The following OSBPL5 variants were observed in gnomAD, a reference collection of about 807,000 sequenced individuals.
The protein encoded by OSBPL5 is oxysterol binding protein like 5, also known as oxysterol-binding protein-related protein 5.
Under a neutral mutation model 111.2 loss-of-function variants are expected in OSBPL5, and 71 were observed. That is an observed-to-expected ratio of 0.64 (90% CI 0.53 to 0.78). OSBPL5 has a LOEUF of 0.78. OSBPL5 is among the 30% of genes least tolerant of loss of function. OSBPL5 has a pLI of 0.00. For synonymous variants in OSBPL5, 549 were observed against 513.9 expected, an observed-to-expected ratio of 1.07 and a Z score of -0.93; for missense variants, 1,210 against 1,189.3, an observed-to-expected ratio of 1.02 and a Z score of -0.26.
In OSBPL5 at chr11:3,107,081, A is replaced by G. The variant is rs540994596; in HGVS notation, c.1059+182T>C. 1.1e-4 allele frequency among the ~76,000 whole-genome samples: 16 copies of G among 152,232 alleles called. No individual in the cohort carries two copies. The highest frequency in any genetic ancestry group is 3.1e-4 in the African/African-American group (13 of 41,546). ...CCAGCCAGCGGGGCAGCCTCTTTGG[A>G]AGACGGGAGGAGCCTGTTTACCTAA... On this transcript the variant is annotated intron_variant, in intron 9 of 21. Transcript: ENST00000263650. This position sits in a 1 kb window ranked among gnomAD's most constrained non-coding sequence, Gnocchi z 6.1.
At chr11:3,112,113 ATGTG>A (rs796272934) in intron 7 of OSBPL5, among the ~76,000 whole-genome samples, 5 of 147,294 alleles carry the variant, frequency 3.4e-5, no homozygotes, top group African/African-American at 1.3e-4. Flanking sequence ...GTGTGTGTGC[ATGTG>A]TGTGTGTGCG....
chr11:3,119,458 G>A (rs1858324194), intron 7 of OSBPL5, 89 bp downstream of exon 7: 2 of 1,336,512 alleles, frequency 1.5e-6, no homozygotes, highest in East Asian at 5.4e-5. Context: ...GGACTGAACT[G>A]GGGCCACCTG....
chr11:3,100,318 C>A (rs1857409333), intron 13 of OSBPL5, 62 bp from the exon 14 acceptor site: 12 of 1,460,378 alleles, frequency 8.2e-6, no homozygotes, highest in Non-Finnish European at 1.1e-5. Flanking sequence ...TCTGAGGCCA[C>A]CCCTAAGTCA....
At position 3,100,091 on chromosome 11, in the gene OSBPL5, G is replaced by A; in HGVS notation, c.1621+67C>T. The A allele has an allele frequency of 2.8e-6, 4 of 1,429,704 alleles. No individual in the cohort carries two copies. In the Admixed American group the frequency reaches 5.3e-5, roughly 19 times the overall value. The allele number at this position is 1,429,704 out of a possible 1,614,324, so 88.6% of individuals were successfully genotyped here. The stretch of plus-strand genomic sequence containing the variant: ...ATACCTTCAAGCAAATAACCAAAGG[G>A]TTTTAGCATCTAGCTGCTCTCACAG... On this transcript the variant is annotated intron_variant, in intron 14 of 21. Transcript: ENST00000263650.
chr11:3,114,998 A>G (rs1858162291), intron 7 of OSBPL5, among the ~76,000 whole-genome samples: 1 of 152,110 alleles, frequency 6.6e-6, no homozygotes, highest in East Asian at 1.9e-4. Context: ...GCATCTTGCC[A>G]GTTTCAGTTT....
At chr11:3,160,746 G>A (rs1846942492) in intron 1 of OSBPL5, among the ~76,000 whole-genome samples, 2 of 147,850 alleles carry the variant, frequency 1.4e-5, no homozygotes, top group South Asian at 2.3e-4. Flanking sequence ...CGCAACGCCG[G>A]GATACTGAGC....
intron 1 of OSBPL5, among the ~76,000 whole-genome samples, chr11:3,158,340 C>T (rs1476286257): frequency 6.6e-6 from 1 of 152,274 alleles, no homozygotes; most frequent in African/African-American, 2.4e-5. Flanking sequence ...CTCTTTTCCT[C>T]TGCCCCAAGG....
chr11:3,147,907 C>T (rs113669016), intron 1 of OSBPL5, among the ~76,000 whole-genome samples: 77 of 152,306 alleles, frequency 5.1e-4, no homozygotes, highest in African/African-American at 1.7e-3. Context: ...TGCGACTGAA[C>T]GCCCACCATG....
chr11:3,127,163 A>G (rs904037692), intron 2 of OSBPL5, among the ~76,000 whole-genome samples: 8 of 152,218 alleles, frequency 5.3e-5, no homozygotes, highest in Admixed American at 5.2e-4. Flanking sequence ...ATTTCTGGAC[A>G]GGAGGAAGGA....
In OSBPL5 at chr11:3,104,050, C is replaced by T. The variant is rs975172050; in HGVS notation, c.1244+143G>A. The T allele has an allele frequency of 1.4e-5, 15 of 1,065,240 alleles. No homozygotes were observed. The highest frequency in any genetic ancestry group is 2.0e-5 in the Non-Finnish European group (15 of 757,634). The allele number at this position is 1,065,240 out of a possible 1,614,324, so 66.0% of individuals were successfully genotyped here. ...CTTGGAGACAGGGCCCCCTGGGAGG[C>T]TACAGCTGCAGAAACAGTGGGCTGA... On this transcript the variant is annotated intron_variant, in intron 10 of 21. Transcript: ENST00000263650. The surrounding 1 kb of genome is among the most constrained non-coding windows in gnomAD (Gnocchi z 5.0).
At chr11:3,163,386 G>A (rs1181232499) in intron 1 of OSBPL5, among the ~76,000 whole-genome samples, 2 of 152,222 alleles carry the variant, frequency 1.3e-5, no homozygotes, top group Non-Finnish European at 2.9e-5. Flanking sequence ...TCCACCCGCC[G>A]GCTTGTCACA....
Position 3,142,212 on chromosome 11 carries a change from C to A in OSBPL5, c.-21-13043G>T, listed in dbSNP as rs1846144458. ...GGGATTACAGGCGTGAGCCACCGTG[C>A]CCGGCCGACAGCTGGTTTCTGAGGC... On this transcript the variant is annotated intron_variant, in intron 1 of 21. Coordinates refer to ENST00000263650, the MANE Select transcript of OSBPL5 (RefSeq NM_020896.4). The surrounding 1 kb of genome is among the most constrained non-coding windows in gnomAD (Gnocchi z 7.1). Among the ~76,000 whole-genome samples, 1 of 152,254 alleles carries A rather than the reference C, an allele frequency of 6.6e-6. No homozygotes were observed. Among genetic ancestry groups the A allele is most frequent in the South Asian group, 2.1e-4 (1 of 4,838 alleles).
intron 1 of OSBPL5, among the ~76,000 whole-genome samples, chr11:3,133,720 C>A (rs1053609501): frequency 2.0e-5 from 3 of 152,276 alleles, no homozygotes; most frequent in Admixed American, 6.5e-5. Context: ...GTGATCTCAT[C>A]CTGCCCCCAC....
At chr11:3,098,552 C>A (rs143009490) in intron 14 of OSBPL5, among the ~76,000 whole-genome samples, 1,619 of 122,204 alleles carry the variant, frequency 0.013, 32 homozygotes, top group African/African-American at 0.052. Flanking sequence ...GTTGCCCAGG[C>A]TGGAGTGCAA....
At chr11:3,100,344 T>A in intron 13 of OSBPL5, 88 bp from the exon 14 acceptor site, 1 of 1,144,416 alleles carries the variant, frequency 8.7e-7, no homozygotes, top group Non-Finnish European at 1.3e-6. Flanking sequence ...TCTGAGCTCC[T>A]TCCAACAGCT....
chr11:3,119,554 C>T lies in OSBPL5; in HGVS notation c.684G>A (p.Glu228=). The T allele has an allele frequency of 6.3e-7, 1 of 1,575,132 alleles. No homozygotes were observed. The highest frequency in any genetic ancestry group is 8.6e-7 in the Non-Finnish European group (1 of 1,165,272). The change falls in exon 7 of 22, where the codon GAG becomes GAA. Residue 228 remains glutamate (E), a synonymous_variant. Coordinates refer to ENST00000263650, the MANE Select transcript of OSBPL5 (RefSeq NM_020896.4). The part of the protein sequence containing the change: ...SSYLIFRAAS[E]SDGRCWLDAL... ...AAGCTGGCAGGGACTCACCATCTGA[C>T]TCGGAGGCGGCCCTGAAGATCAGGT...
rs377167443 is a variant in OSBPL5, at chr11:3,090,677, C to T, written c.2279G>A (p.Arg760Gln). The T allele has an allele frequency of 4.6e-5, 74 of 1,611,824 alleles. No individual in the cohort carries two copies. The highest frequency in any genetic ancestry group is 5.8e-5 in the Non-Finnish European group (69 of 1,179,690). Residue 760 changes from arginine to glutamine, a missense_variant, in exon 20 of 22, where the codon CGG (arginine) becomes CAG (glutamine). By Grantham distance (43) the Arg-to-Gln change is conservative. Coordinates refer to ENST00000263650, the MANE Select transcript of OSBPL5 (RefSeq NM_020896.4). ...PRHERSGPDQ[R>Q]LRKASDQPSG... Reference sequence around the variant, plus strand: ...GGGCTGGTCGCTGGCCTTGCGAAGCCGCTGGTCTGGGCCAGACCTCTGCAG... The same window carrying T: ...GGGCTGGTCGCTGGCCTTGCGAAGCTGCTGGTCTGGGCCAGACCTCTGCAG...
intron 7 of OSBPL5, among the ~76,000 whole-genome samples, chr11:3,112,006 T>C (rs1322912174): frequency 7.0e-6 from 1 of 143,654 alleles, no homozygotes; most frequent in Admixed American, 7.1e-5. Flanking sequence ...TGTGTGTGTG[T>C]GTGCGCGCAT....
Position 3,092,352 on chromosome 11 carries a change from A to G in OSBPL5, c.2259+80T>C. The stretch of plus-strand genomic sequence containing the variant: ...GGAAACGGAGCGAGGGGAAGGGAGG[A>G]GTGAGGTGAGGAGCGAGGGGTGGTG... On this transcript the variant is annotated intron_variant, in intron 19 of 21. Transcript: ENST00000263650. This position sits in a 1 kb window ranked among gnomAD's most constrained non-coding sequence, Gnocchi z 5.4. 2.1e-6 allele frequency: 3 copies of G among 1,452,042 alleles called. No homozygotes were observed. The highest frequency in any genetic ancestry group is 2.7e-6 in the Non-Finnish European group (3 of 1,094,548). The allele number at this position is 1,452,042 out of a possible 1,614,324, so 89.9% of individuals were successfully genotyped here. A position where few individuals can be genotyped will look rare whatever the true frequency, so the allele number is the denominator to read the frequency against.
Sources: gnomAD v4.1 joint callset for allele counts (sites outside exome capture counted in the v4.1 genomes callset) on GRCh38, gnomAD v4.1.1 for gene constraint, Gnocchi (gnomAD v3.1) non-coding constraint, MANE v1.5 for transcripts, NCBI Gene and HGNC (gene_info 2026-07-23, HGNC 2026-07-21) for gene names.